Variants in CFAP69 observed in about 807,000 individuals in gnomAD.
The protein encoded by CFAP69 is cilia and flagella associated protein 69.
Under a neutral mutation model 123.0 loss-of-function variants are expected in CFAP69, and 92 were observed. The observed-to-expected ratio is 0.75, with a 90% CI of 0.63 to 0.89. CFAP69 has a LOEUF of 0.89. CFAP69 is among the 40% of genes least tolerant of loss of function. The pLI is 0.00. For missense variants in CFAP69, 1,067 were observed against 1,096.9 expected (o/e 0.97, Z 0.39); for synonymous variants, 380 against 364.3 (o/e 1.04, Z -0.49).
chr7:90,305,943 CT>C (rs11340254), intron 19 of CFAP69, among the ~76,000 whole-genome samples: 33,560 of 129,330 alleles, frequency 0.26, 4,337 homozygotes, highest in East Asian at 0.72. Context: ...TTCTTTCCTT[CT>C]TTTTTTTTTT....
At chr7:90,267,990 C>T (rs1799395763) in intron 5 of CFAP69, among the ~76,000 whole-genome samples, 7 of 152,124 alleles carry the variant, frequency 4.6e-5, no homozygotes, top group Non-Finnish European at 1.0e-4. Flanking sequence ...CAGGATTTAA[C>T]CTTAGACAGT....
At chr7:90,307,492 G>A (rs186786668) in intron 20 of CFAP69, among the ~76,000 whole-genome samples, 1 of 152,212 alleles carries the variant, frequency 6.6e-6, no homozygotes, top group African/African-American at 2.4e-5. Context: ...ACTTGTGGGT[G>A]TTTCAGCCTT....
At chr7:90,289,056 T>C (rs1168745283) in intron 15 of CFAP69, among the ~76,000 whole-genome samples, 1 of 152,060 alleles carries the variant, frequency 6.6e-6, no homozygotes, top group Non-Finnish European at 1.5e-5. Flanking sequence ...TGTTTTTACT[T>C]GTTAAACATT....
At chr7:90,293,325 G>A (rs1791473861) in intron 15 of CFAP69, among the ~76,000 whole-genome samples, 1 of 152,128 alleles carries the variant, frequency 6.6e-6, no homozygotes, top group Admixed American at 6.6e-5. Context: ...CATAAGGTAA[G>A]ATTCTCATAA....
intron 4 of CFAP69, among the ~76,000 whole-genome samples, chr7:90,263,110 A>G (rs1798557099): frequency 6.6e-6 from 1 of 152,176 alleles, no homozygotes; most frequent in African/African-American, 2.4e-5. Flanking sequence ...GTTTATAAGA[A>G]TTGCTTTCAA....
intron 17 of CFAP69, chr7:90,303,714 T>C (rs1793145721): frequency 9.7e-7 from 1 of 1,033,302 alleles, no homozygotes; most frequent in Non-Finnish European, 1.2e-6. Flanking sequence ...AGTTTTACTT[T>C]TAAAAAGTAA....
intron 8 of CFAP69, among the ~76,000 whole-genome samples, chr7:90,272,407 TATAG>T (rs1379602707): frequency 2.0e-5 from 3 of 152,222 alleles, no homozygotes; most frequent in South Asian, 2.1e-4. Context: ...CTGAAAACAA[TATAG>T]ATATTGTCTC....
intron 14 of CFAP69, chr7:90,287,424 T>C (rs1790468523): frequency 2.3e-6 from 2 of 876,558 alleles, no homozygotes; most frequent in African/African-American, 3.6e-5. Flanking sequence ...ATTTTAAATG[T>C]TGTTTGGGGT....
chr7:90,262,150 AG>A, intron 4 of CFAP69, 94 bp downstream of exon 4: 9 of 738,722 alleles, frequency 1.2e-5, no homozygotes, highest in Non-Finnish European at 1.9e-5. Flanking sequence ...ATAGTGTAGC[AG>A]ATTGCTACAG....
chr7:90,268,460 G>C (rs1799476148), intron 6 of CFAP69, 76 bp downstream of exon 6: 2 of 1,097,582 alleles, frequency 1.8e-6, no homozygotes, highest in African/African-American at 3.2e-5. Flanking sequence ...CTTTGAATTT[G>C]ACAGACACAG....
chr7:90,316,082 G>C, the CFAP69 span, among the ~76,000 whole-genome samples: 1 of 152,066 alleles, frequency 6.6e-6, no homozygotes, highest in African/African-American at 2.4e-5. Context: ...CAACAAGAGC[G>C]AAACTCCGTC....
chr7:90,279,546 T>G, intron 11 of CFAP69, 131 bp from the exon 12 acceptor site: 1 of 550,334 alleles, frequency 1.8e-6, no homozygotes, highest in Non-Finnish European at 3.1e-6. Context: ...TATCATAGAT[T>G]GGGGTTATTT....
At chr7:90,308,650 C>G (rs117683291) in intron 21 of CFAP69, among the ~76,000 whole-genome samples, 1 of 152,096 alleles carries the variant, frequency 6.6e-6, no homozygotes, top group Non-Finnish European at 1.5e-5. Context: ...AGTTATCTCC[C>G]TGTTCACTGA....
rs766751459 is a variant in CFAP69 at position 90,300,039 on chromosome 7, A to G, written c.2030A>G (p.Asp677Gly). Residue 677 changes from aspartate (D) to glycine (G), a missense_variant, in exon 17 of 23, where the codon GAT becomes GGT. Physicochemically the swap from Asp to Gly is moderately conservative, Grantham distance 94 (BLOSUM62 -1). Transcript: ENST00000389297. ...KEEKELGVKR[D>G]KNGKIIDTKK... Reference sequence around the variant, plus strand: ...GAAAAAGAACTAGGAGTAAAACGTGATAAAAATGGGAAGATCATTGGTGAG... The same window carrying G: ...GAAAAAGAACTAGGAGTAAAACGTGGTAAAAATGGGAAGATCATTGGTGAG... 3 of 1,593,540 alleles carry G rather than the reference A, an allele frequency of 1.9e-6. No homozygotes were observed. Among genetic ancestry groups the G allele is most frequent in the Non-Finnish European group, 1.7e-6 (2 of 1,170,724 alleles).
chr7:90,256,539 AT>A (rs200307653), intron 2 of CFAP69, among the ~76,000 whole-genome samples: 8 of 151,444 alleles, frequency 5.3e-5, no homozygotes, highest in East Asian at 1.9e-4. Context: ...AAAAAAAAAA[AT>A]TTTTAAGTAA....
At chr7:90,308,004 T>A in intron 21 of CFAP69, 150 bp downstream of exon 21, 1 of 501,588 alleles carries the variant, frequency 2.0e-6, no homozygotes, top group Non-Finnish European at 3.5e-6. Context: ...TTTAGAGTGA[T>A]AAGTGAAACT....
chr7:90,259,786 A>AT (rs142262116), intron 3 of CFAP69, among the ~76,000 whole-genome samples: 2,295 of 151,284 alleles, frequency 0.015, 73 homozygotes, highest in African/African-American at 0.053. Flanking sequence ...ACAGCTGGCC[A>AT]TTTTTTTTTA....
chr7:90,255,565 G>A, intron 2 of CFAP69, 83 bp downstream of exon 2: 3 of 1,037,322 alleles, frequency 2.9e-6, no homozygotes, highest in South Asian at 2.7e-5. Context: ...TCCTTCAAAT[G>A]TAAGTCTCAT....
downstream of CFAP69, among the ~76,000 whole-genome samples, chr7:90,314,506 G>A (rs17869233): frequency 0.013 from 2,031 of 151,846 alleles, 36 homozygotes; most frequent in African/African-American, 0.047. Flanking sequence ...GACCACAACC[G>A]TAGTTCCAGC....
Sources: allele counts gnomAD v4.1 joint callset (sites outside exome capture counted in the v4.1 genomes callset), GRCh38; gene constraint gnomAD v4.1.1; transcripts MANE v1.5; gene names NCBI Gene and HGNC (gene_info 2026-07-23, HGNC 2026-07-21).